FGFR2: variants seen among roughly 807,000 people sequenced by gnomAD.
FGFR2 encodes the protein BEK fibroblast growth factor receptor.
A neutral mutation model predicts 95.9 loss-of-function variants in FGFR2; 19 were observed. The ratio of observed to expected loss-of-function variants is 0.20; its 90% confidence interval spans 0.14 to 0.29. FGFR2 has a LOEUF of 0.29. Ranked by LOEUF, FGFR2 falls within the 10% of genes least tolerant of loss-of-function variation. The probability of loss-of-function intolerance (pLI) is 1.00; values close to 1 mark genes in which losing one functional copy is unlikely to be tolerated. For synonymous variants in FGFR2, 392 were observed against 393.3 expected (o/e 1.00, Z 0.04); for missense variants, 707 against 1,056.9 (o/e 0.67, Z 4.59).
rs1256191170 is a variant in FGFR2 at position 121,485,967 on chromosome 10, A to G, written c.2058-435T>C. 6.6e-6 allele frequency among the ~76,000 whole-genome samples: 1 copy of G among 152,226 alleles called. No individual in the cohort carries two copies. Among genetic ancestry groups the G allele is most frequent in the Admixed American group, 6.5e-5 (1 of 15,284 alleles). On this transcript the variant is annotated intron_variant, in intron 15 of 17. Transcript: ENST00000358487. The surrounding 1 kb of genome is among the most constrained non-coding windows in gnomAD (Gnocchi z 4.2). ...CACAGCTGCCCTGTGTGGCTGGCGG[A>G]ACATCTGCTGCACAGAGGCTCTGGA...
At chr10:121,586,278 C>T (rs1381460526) in intron 2 of FGFR2, among the ~76,000 whole-genome samples, 1 of 152,192 alleles carries the variant, frequency 6.6e-6, no homozygotes, top group African/African-American at 2.4e-5. Context: ...ATAAATCATA[C>T]AAATAAATAC....
At chr10:121,530,489 G>C (rs2134465363) in intron 6 of FGFR2, 1 of 152,692 alleles carries the variant, frequency 6.5e-6, no homozygotes, top group South Asian at 2.1e-4. Flanking sequence ...CAGGCATGAT[G>C]ATGTCCGCCT....
chr10:121,580,807 C>T (rs1218612966), intron 2 of FGFR2, among the ~76,000 whole-genome samples: 1 of 152,200 alleles, frequency 6.6e-6, no homozygotes, highest in African/African-American at 2.4e-5. Context: ...CGCATATTTG[C>T]ATAGAGGTAA....
chr10:121,584,097 C>G (rs1466942091), intron 2 of FGFR2, among the ~76,000 whole-genome samples: 4 of 151,998 alleles, frequency 2.6e-5, no homozygotes, highest in Non-Finnish European at 1.5e-5. Flanking sequence ...ACTGCCCCTA[C>G]TTCATAGCCT....
intron 1 of FGFR2, among the ~76,000 whole-genome samples, chr10:121,597,185 C>T (rs1863551780): frequency 6.6e-6 from 1 of 152,206 alleles, no homozygotes; most frequent in Admixed American, 6.5e-5. Flanking sequence ...GTCCGTGGTC[C>T]GCGAGGGTCG....
chr10:121,568,616 T>C (rs1590025534), intron 2 of FGFR2, among the ~76,000 whole-genome samples: 1 of 151,064 alleles, frequency 6.6e-6, no homozygotes. Context: ...TAAGACTCCA[T>C]TAGGGGGAAA....
chr10:121,496,632 T>C lies in FGFR2; in HGVS notation c.1763A>G (p.Tyr588Cys), dbSNP rs770827652. The C allele has an allele frequency of 3.7e-6, 6 of 1,612,864 alleles. No individual in the cohort carries two copies. The highest frequency in any genetic ancestry group is 5.1e-6 in the Non-Finnish European group (6 of 1,179,926). ...ARRPPGMEYS[Y>C]DINRVPEEQM... is the part of the protein sequence containing the mutation. ...CTCCTCAGGAACACGGTTAATGTCA[T>C]AGGAGTACTCCATCCCGGGTGGCCT... The change falls in exon 13 of 18, where the codon TAT becomes TGT. Residue 588 changes from tyrosine to cysteine, a missense_variant. By Grantham distance (194) the Tyr-to-Cys change is radical (BLOSUM62 -2). Around this residue, in one of 7 missense-constraint regions of FGFR2, gnomAD observed 37 missense variants for 34.1 expected, o/e 1.09. Coordinates refer to ENST00000358487, the MANE Select transcript of FGFR2 (RefSeq NM_000141.5).
intron 10 of FGFR2, among the ~76,000 whole-genome samples, chr10:121,503,037 T>C (rs1004610693): frequency 1.3e-5 from 2 of 152,222 alleles, no homozygotes; most frequent in African/African-American, 4.8e-5. Flanking sequence ...TGCTCAGTCC[T>C]GGGAGGTCTG....
intron 15 of FGFR2, among the ~76,000 whole-genome samples, chr10:121,486,469 G>GTC (rs796938922): frequency 4.1e-4 from 63 of 152,226 alleles, no homozygotes; most frequent in African/African-American, 1.4e-3. Context: ...CCCAGACAGA[G>GTC]TCTCGCTCTG....
intron 6 of FGFR2, chr10:121,537,835 T>TG (rs1449747792): frequency 6.4e-6 from 1 of 156,066 alleles, no homozygotes; most frequent in African/African-American, 2.4e-5. Flanking sequence ...AAGTATGTCT[T>TG]GGGTAGAGTT....
chr10:121,483,871 T>C lies in FGFR2; in HGVS notation c.2196-68A>G, dbSNP rs574536427. ...GGTACGTGGTTATAGTCAGTTTTAA[T>C]AGGCAATATGGGGACGTGGTGTAAA... On this transcript the variant is annotated intron_variant, in intron 16 of 17. Coordinates refer to ENST00000358487, the MANE Select transcript of FGFR2 (RefSeq NM_000141.5). The C allele has an allele frequency of 3.1e-4, 355 of 1,149,792 alleles. 1 individual carries two copies. Among genetic ancestry groups the C allele is most frequent in the Middle Eastern group, 1.5e-3 (8 of 5,192 alleles). The allele number at this position is 1,149,792 out of a possible 1,614,324, so 71.2% of individuals were successfully genotyped here.
In FGFR2 at chr10:121,594,139, C is replaced by A. The variant is rs1309951499; in HGVS notation, c.-150-172G>T. The A allele has an allele frequency of 1.2e-5, 6 of 501,962 alleles. No individual in the cohort carries two copies. In the East Asian group the frequency reaches 1.4e-4, roughly 11 times the overall value. The allele number at this position is 501,962 out of a possible 1,614,324, so 31.1% of individuals were successfully genotyped here. A position where few individuals can be genotyped will look rare whatever the true frequency, so the allele number is the denominator to read the frequency against. On this transcript the variant is annotated intron_variant, in intron 1 of 17. Transcript: ENST00000358487. ...CAGAGTCCCAGGTGATACCACCAGACCGGTCCACAGAAATGTGTGAGGCTA... is the reference window on the plus strand; with the variant it reads ...CAGAGTCCCAGGTGATACCACCAGAACGGTCCACAGAAATGTGTGAGGCTA...
At chr10:121,506,511 A>C (rs1848308225) in intron 9 of FGFR2, among the ~76,000 whole-genome samples, 1 of 152,268 alleles carries the variant, frequency 6.6e-6, no homozygotes, top group Admixed American at 6.5e-5. Flanking sequence ...TATGGGGTGC[A>C]TAGGAAGCTG....
intron 5 of FGFR2, among the ~76,000 whole-genome samples, chr10:121,539,283 C>T (rs1468108939): frequency 6.6e-6 from 1 of 152,214 alleles, no homozygotes; most frequent in Non-Finnish European, 1.5e-5. Flanking sequence ...TCTGCCCTTC[C>T]CATCTCTGGT....
intron 9 of FGFR2, among the ~76,000 whole-genome samples, chr10:121,506,274 C>T (rs1398627080): frequency 6.9e-6 from 1 of 145,272 alleles, no homozygotes; most frequent in Non-Finnish European, 1.5e-5. Flanking sequence ...AGGAGAATCG[C>T]TTAAACCCAG....
intron 6 of FGFR2, chr10:121,528,025 T>C (rs899030358): frequency 1.3e-5 from 2 of 152,218 alleles, no homozygotes; most frequent in Non-Finnish European, 2.9e-5. Flanking sequence ...TGTTCTTTTT[T>C]AATGTCCAGG....
intron 9 of FGFR2, among the ~76,000 whole-genome samples, chr10:121,509,096 T>C (rs551228093): frequency 1.3e-4 from 19 of 151,936 alleles, no homozygotes; most frequent in Admixed American, 6.5e-4. Context: ...TCTCTTTTCT[T>C]TTGCACAAAA....
At chr10:121,514,321 C>G (rs765988535) in intron 9 of FGFR2, among the ~76,000 whole-genome samples, 1 of 152,184 alleles carries the variant, frequency 6.6e-6, no homozygotes, top group Non-Finnish European at 1.5e-5. Context: ...TGAGGCATTT[C>G]CTGTCCCACC....
Position 121,532,000 on chromosome 10 carries a change from C to T in FGFR2, c.748+6592G>A, listed in dbSNP as rs1852141739. Among the ~76,000 whole-genome samples the T allele has an allele frequency of 6.6e-6, 1 of 152,232 alleles. No individual in the cohort carries two copies. Among genetic ancestry groups the T allele is most frequent in the Non-Finnish European group, 1.5e-5 (1 of 68,044 alleles). On this transcript the variant is annotated intron_variant, in intron 6 of 17. Coordinates refer to ENST00000358487, the MANE Select transcript of FGFR2 (RefSeq NM_000141.5). This position sits in a 1 kb window ranked among gnomAD's most constrained non-coding sequence, Gnocchi z 4.5. ...CCATTACCTGGCACGCCACCCCAAT[C>T]CCTTCTCAACAGAGGGGCTTTCTGC...
Sources: gnomAD v4.1 joint callset for allele counts (sites outside exome capture counted in the v4.1 genomes callset) on GRCh38, gnomAD v4.1.1 for gene constraint, gnomAD v4.1.1 regional missense constraint, Gnocchi (gnomAD v3.1) non-coding constraint, MANE v1.5 for transcripts, NCBI Gene and HGNC (gene_info 2026-07-23, HGNC 2026-07-21) for gene names.